The following ATF7IP2 variants were observed in gnomAD, a reference collection of about 807,000 sequenced individuals.
ATF7IP2 encodes the protein activating transcription factor 7-interacting protein 2.
A neutral mutation model predicts 64.2 loss-of-function variants in ATF7IP2; 42 were observed. The observed-to-expected ratio is 0.65, with a 90% CI of 0.51 to 0.85. The LOEUF is 0.85. Among genes scored for constraint, ATF7IP2 ranks in the 40% least tolerant of loss-of-function variants. ATF7IP2 has a pLI of 0.00. For synonymous variants in ATF7IP2, 308 were observed against 272.8 expected (o/e 1.13, Z -1.27); for missense variants, 933 against 784.2 (o/e 1.19, Z -2.27).
At chr16:10,387,974 C>T in intron 1 of ATF7IP2, among the ~76,000 whole-genome samples, 1 of 152,054 alleles carries the variant, frequency 6.6e-6, no homozygotes, top group Non-Finnish European at 1.5e-5. Flanking sequence ...GCGATCTCGG[C>T]TCACTGCAAC....
At position 10,444,208 on chromosome 16, in the gene ATF7IP2, A is replaced by C. The variant is rs76230027; in HGVS notation, c.1194+3746A>C. ...TAAAATGTTCCTGGGTAGCTAACGA[A>C]AGAAAGAGGGAGCAAATTAGACAGG... On this transcript the variant is annotated intron_variant, in intron 8 of 13. Transcript: ENST00000562102. 1.6e-3 allele frequency among the ~76,000 whole-genome samples: 249 copies of C among 152,342 alleles called. 1 individual carries two copies. The highest frequency in any genetic ancestry group is 5.8e-3 in the African/African-American group (241 of 41,586).
chr16:10,444,850 TG>T (rs2048749495), intron 8 of ATF7IP2, among the ~76,000 whole-genome samples: 3 of 152,340 alleles, frequency 2.0e-5, no homozygotes, highest in African/African-American at 4.8e-5. Flanking sequence ...ATTTCAAACC[TG>T]GGTACAATAT....
intron 8 of ATF7IP2, 77 bp downstream of exon 8, chr16:10,440,539 T>A: frequency 1.2e-6 from 1 of 847,490 alleles, no homozygotes; most frequent in Admixed American, 3.3e-5. Flanking sequence ...ATGAATATAT[T>A]TCCAGGCTAG....
At chr16:10,446,672 CT>C (rs1299009774) in intron 8 of ATF7IP2, 1 of 152,128 alleles carries the variant, frequency 6.6e-6, no homozygotes, top group Non-Finnish European at 1.5e-5. Flanking sequence ...GTTGCTTTTT[CT>C]TGTGTTTAGT....
chr16:10,391,982 T>G (rs1354340014), intron 1 of ATF7IP2, among the ~76,000 whole-genome samples: 1 of 151,562 alleles, frequency 6.6e-6, no homozygotes, highest in Non-Finnish European at 1.5e-5. Flanking sequence ...TTGACAAATT[T>G]TAAATTGTGT....
intron 1 of ATF7IP2, among the ~76,000 whole-genome samples, chr16:10,395,358 A>G (rs1469941390): frequency 1.3e-5 from 2 of 152,186 alleles, no homozygotes; most frequent in African/African-American, 4.8e-5. Flanking sequence ...TTTTATTAGT[A>G]AATTCTACCA....
At chr16:10,427,803 G>A (rs1481195058) in intron 3 of ATF7IP2, among the ~76,000 whole-genome samples, 2 of 150,936 alleles carry the variant, frequency 1.3e-5, no homozygotes, top group Non-Finnish European at 2.9e-5. Context: ...AAGCTGCCAT[G>A]AGCCATGCTG....
At chr16:10,433,727 A>T in intron 6 of ATF7IP2, 78 bp downstream of exon 6, 1 of 1,511,066 alleles carries the variant, frequency 6.6e-7, no homozygotes, top group Non-Finnish European at 9.1e-7. Flanking sequence ...TGGTCCCCAC[A>T]GTGGCATAAT....
chr16:10,429,061 G>A (rs946201741), intron 4 of ATF7IP2, 45 bp downstream of exon 4: 1 of 151,962 alleles, frequency 6.6e-6, no homozygotes, highest in African/African-American at 2.4e-5. Flanking sequence ...AATAATATAA[G>A]AATGTTTTTA....
intron 8 of ATF7IP2, among the ~76,000 whole-genome samples, chr16:10,454,546 TTTG>T (rs1254671781): frequency 6.6e-6 from 1 of 152,066 alleles, no homozygotes; most frequent in Non-Finnish European, 1.5e-5. Flanking sequence ...TCAACCAGAT[TTTG>T]TTATTTCTAT....
At chr16:10,425,793 T>C (rs529464756) in intron 3 of ATF7IP2, among the ~76,000 whole-genome samples, 2 of 151,866 alleles carry the variant, frequency 1.3e-5, no homozygotes, top group African/African-American at 4.8e-5. Context: ...TTCGTGAGGC[T>C]GAGGCAGGAG....
intron 1 of ATF7IP2, among the ~76,000 whole-genome samples, chr16:10,408,937 T>TA (rs1360403495): frequency 6.6e-6 from 1 of 152,222 alleles, no homozygotes. Flanking sequence ...ATGTTGGAGA[T>TA]AAATGCTCGG....
chr16:10,436,178 A>G lies in ATF7IP2; in HGVS notation c.961-1923A>G, dbSNP rs368435053. 4.6e-5 allele frequency among the ~76,000 whole-genome samples: 7 copies of G among 152,252 alleles called. No individual in the cohort carries two copies. The East Asian group carries it at 1.4e-3, about 29-fold the overall frequency. On this transcript the variant is annotated intron_variant, in intron 6 of 13. Transcript: ENST00000562102. ...GAGTTCAAGACCAGCCTGGCCAACA[A>G]TGGTGAAACCCTGTCTCGGCTAAAA... is the stretch of plus-strand genomic sequence containing the variant.
At chr16:10,466,342 A>G (rs1045275731) in intron 9 of ATF7IP2, among the ~76,000 whole-genome samples, 1 of 152,218 alleles carries the variant, frequency 6.6e-6, no homozygotes, top group African/African-American at 2.4e-5. Flanking sequence ...ACATTCTTTT[A>G]CATGTCTTTT....
At chr16:10,458,308 A>G (rs2049251711) in intron 9 of ATF7IP2, among the ~76,000 whole-genome samples, 1 of 152,206 alleles carries the variant, frequency 6.6e-6, no homozygotes. Flanking sequence ...CAAGAGCTAC[A>G]TTTCAGTGAC....
intron 8 of ATF7IP2, among the ~76,000 whole-genome samples, chr16:10,444,116 G>A (rs1319795185): frequency 6.6e-6 from 1 of 152,158 alleles, no homozygotes. Flanking sequence ...GGTCCCCACA[G>A]GGCATAACAA....
In ATF7IP2 at chr16:10,431,142, G is replaced by C. The variant is rs777021803; in HGVS notation, c.522G>C (p.Leu174Phe). ...CCAGTTGCTGTCCACCCAGTGTATT[G>C]AGTGGTGTTGTTCAGATGCCAGAGT... ...LKSSCCPPSVLSGVVQMPEST... is the reference protein window; with the variant it reads ...LKSSCCPPSVFSGVVQMPEST... Residue 174 changes from leucine (L) to phenylalanine (F), a missense_variant, in exon 5 of 14, where the codon TTG becomes TTC. Physicochemically the swap from Leu to Phe is conservative, Grantham distance 22. Coordinates refer to ENST00000562102, the MANE Select transcript of ATF7IP2 (RefSeq NM_001393719.1). 1.2e-5 allele frequency: 20 copies of C among 1,614,162 alleles called. No individual in the cohort carries two copies. Among genetic ancestry groups the C allele is most frequent in the Non-Finnish European group, 1.7e-5 (20 of 1,180,030 alleles).
chr16:10,425,967 A>T (rs2048077670), intron 3 of ATF7IP2, among the ~76,000 whole-genome samples: 4 of 152,210 alleles, frequency 2.6e-5, no homozygotes, highest in Admixed American at 2.0e-4. Context: ...ATAAAACATT[A>T]AAAGTACAGA....
At chr16:10,448,509 A>G (rs1349389407) in intron 8 of ATF7IP2, 2 of 152,020 alleles carry the variant, frequency 1.3e-5, no homozygotes, top group African/African-American at 2.4e-5. Flanking sequence ...TTGGATTCCT[A>G]GGTATTCTCT....
Sources: allele counts gnomAD v4.1 joint callset (sites outside exome capture counted in the v4.1 genomes callset), GRCh38; gene constraint gnomAD v4.1.1; transcripts MANE v1.5; gene names NCBI Gene and HGNC (gene_info 2026-07-23, HGNC 2026-07-21).